Variants in MYO3A observed in about 807,000 individuals in gnomAD.
MYO3A encodes the protein myosin-IIIa.
MYO3A carries 180 observed loss-of-function variants against 192.7 expected under a neutral mutation model. The ratio of observed to expected loss-of-function variants is 0.93; its 90% CI spans 0.83 to 1.06. The LOEUF (loss-of-function observed/expected upper bound fraction) is 1.06. Ranked by LOEUF, MYO3A falls within the 50% of genes least tolerant of loss-of-function variation. MYO3A has a pLI of 0.00. For synonymous variants in MYO3A, 628 were observed against 645.3 expected (o/e 0.97, Z 0.41); for missense variants, 1,896 against 1,905.0 (o/e 1.00, Z 0.09).
intron 25 of MYO3A, 29 bp downstream of exon 25, chr10:26,154,852 C>T (rs1425941374): frequency 1.9e-6 from 3 of 1,565,830 alleles, no homozygotes; most frequent in Non-Finnish European, 2.6e-6. Flanking sequence ...ATGTATTGTG[C>T]TTAGGGGTGC....
At chr10:25,974,714 C>T (rs1402967352) in intron 4 of MYO3A, among the ~76,000 whole-genome samples, 1 of 152,158 alleles carries the variant, frequency 6.6e-6, no homozygotes, top group African/African-American at 2.4e-5. Context: ...ACTGTATGCC[C>T]TTATGACAAT....
chr10:26,106,933 TTTTC>T (rs1218991772), intron 17 of MYO3A, among the ~76,000 whole-genome samples: 2 of 151,718 alleles, frequency 1.3e-5, no homozygotes. Flanking sequence ...GTATCTATTT[TTTTC>T]TTTTATATCA....
intron 10 of MYO3A, among the ~76,000 whole-genome samples, chr10:26,040,500 A>G (rs1395856714): frequency 2.0e-5 from 3 of 152,154 alleles, no homozygotes; most frequent in Non-Finnish European, 4.4e-5. Flanking sequence ...TGAAAGTACC[A>G]CTACCAAAAC....
intron 4 of MYO3A, among the ~76,000 whole-genome samples, chr10:25,957,683 T>C (rs899347188): frequency 4.6e-5 from 7 of 152,224 alleles, no homozygotes; most frequent in African/African-American, 1.7e-4. Context: ...TTTTCCACAA[T>C]GGCTAAACTA....
chr10:25,953,228 CA>C (rs1158496341), intron 3 of MYO3A, among the ~76,000 whole-genome samples: 1 of 152,040 alleles, frequency 6.6e-6, no homozygotes, highest in Non-Finnish European at 1.5e-5. Context: ...TGAGATGCTG[CA>C]AAAGGTCTCT....
chr10:26,166,292 C>T, intron 27 of MYO3A, 114 bp downstream of exon 27: 1 of 934,460 alleles, frequency 1.1e-6, no homozygotes, highest in East Asian at 2.6e-5. Flanking sequence ...GAATCTATAA[C>T]TTACAATAGA....
rs571464458 is a variant in MYO3A at position 26,173,995 on chromosome 10, A to G, written c.3731A>G (p.Tyr1244Cys). Residue 1244 changes from tyrosine (Y) to cysteine (C), a missense_variant, in exon 30 of 35, where the codon TAC becomes TGC. Tyr to Cys is a radical substitution (Grantham distance 194). Coordinates refer to ENST00000642920, the MANE Select transcript of MYO3A (RefSeq NM_017433.5). ...EAMIQSYYQR[Y>C]TEERNCEESK... ...ATGATCCAGAGTTACTATCAGAGGT[A>G]CACAGAGGAGAGGAATTGTGAAGAG... 29 of 1,611,138 alleles carry G rather than the reference A, an allele frequency of 1.8e-5. No homozygotes were observed. In the South Asian group the frequency reaches 3.1e-4, roughly 17 times the overall value.
intron 10 of MYO3A, among the ~76,000 whole-genome samples, chr10:26,034,813 A>G (rs965895907): frequency 1.3e-5 from 2 of 151,738 alleles, no homozygotes; most frequent in Non-Finnish European, 2.9e-5. Context: ...AAGACGGGCT[A>G]GTGTCTGGAT....
chr10:26,169,005 A>G, intron 28 of MYO3A, 131 bp downstream of exon 28: 1 of 838,570 alleles, frequency 1.2e-6, no homozygotes, highest in Non-Finnish European at 1.8e-6. Flanking sequence ...CTTTTGCTAT[A>G]TTAAATCTAA....
chr10:26,164,934 C>A (rs539935488), intron 26 of MYO3A, among the ~76,000 whole-genome samples: 2 of 152,262 alleles, frequency 1.3e-5, no homozygotes, highest in East Asian at 3.9e-4. Flanking sequence ...GCGAGTTAGT[C>A]CTGAAGTGAG....
chr10:26,171,146 G>A (rs74672516), intron 29 of MYO3A, among the ~76,000 whole-genome samples: 11,223 of 152,178 alleles, frequency 0.074, 461 homozygotes, highest in Non-Finnish European at 0.089. Context: ...GGGTACACTG[G>A]GGGCAAGGAG....
intron 14 of MYO3A, among the ~76,000 whole-genome samples, chr10:26,086,493 T>G (rs1250508893): frequency 2.0e-5 from 3 of 152,174 alleles, no homozygotes; most frequent in Non-Finnish European, 2.9e-5. Context: ...GTAGGAAGAA[T>G]TCCATGTTGC....
At position 26,153,925 on chromosome 10, in the gene MYO3A, CA is replaced by C; in HGVS notation, c.2714del (p.Lys905ArgfsTer17). On this transcript the variant is annotated frameshift_variant, in exon 24 of 35. Coordinates refer to ENST00000642920, the MANE Select transcript of MYO3A (RefSeq NM_017433.5). LOFTEE classifies it high-confidence loss of function. The stretch of plus-strand genomic sequence containing the variant: ...ACTTCAGAAAAATTAATCAACCTGG[CA>C]AAGGTAAGAAAATGCTTTTTTTCTT... ...MRTSEKLINL[A>X]KGDTGEATRH... 1 of 1,585,274 alleles carries C rather than the reference CA, an allele frequency of 6.3e-7. No individual in the cohort carries two copies. Among genetic ancestry groups the C allele is most frequent in the Non-Finnish European group, 8.7e-7 (1 of 1,154,220 alleles).
intron 4 of MYO3A, among the ~76,000 whole-genome samples, chr10:25,959,681 T>C (rs1224398612): frequency 6.6e-6 from 1 of 152,022 alleles, no homozygotes; most frequent in Non-Finnish European, 1.5e-5. Flanking sequence ...TCTTTCTCTG[T>C]TTGGCTCATC....
chr10:26,120,702 CGCT>C lies in MYO3A; in HGVS notation c.1806_1808del (p.Ala603del). 6.2e-7 allele frequency: 1 copy of C among 1,614,010 alleles called. No homozygotes were observed. Reference sequence around the variant, plus strand: ...AACTTGGTAGTATATACAGCATACTCGCTGCAATCTTGAATGTTGGCAACATTG... The same window carrying C: ...AACTTGGTAGTATATACAGCATACTCGCAATCTTGAATGTTGGCAACATTG... On this transcript the variant is annotated inframe_deletion, in exon 18 of 35. Transcript: ENST00000642920.
At chr10:26,193,122 T>C in intron 31 of MYO3A, 83 bp from the exon 32 acceptor site, 1 of 1,131,262 alleles carries the variant, frequency 8.8e-7, no homozygotes, top group South Asian at 1.3e-5. Flanking sequence ...ATGTGTATAA[T>C]TTCTTATTTA....
At chr10:26,178,975 A>G (rs12572865) in intron 31 of MYO3A, among the ~76,000 whole-genome samples, 70,821 of 148,192 alleles carry the variant, frequency 0.48, 16,785 homozygotes, top group Middle Eastern at 0.53. Flanking sequence ...CTAATTTTTT[A>G]TATTTTTAGT....
chr10:26,011,239 G>A (rs150977532), intron 6 of MYO3A, among the ~76,000 whole-genome samples: 1,719 of 152,100 alleles, frequency 0.011, 37 homozygotes, highest in African/African-American at 0.037. Context: ...GACCAGCCTG[G>A]GCAACATGAT....
At chr10:25,951,952 C>G (rs1310346292) in intron 2 of MYO3A, 142 bp from the exon 3 acceptor site, 2 of 622,832 alleles carry the variant, frequency 3.2e-6, no homozygotes, top group Non-Finnish European at 2.8e-6. Flanking sequence ...ATTCAAATTT[C>G]CTGTGACTCT....
Sources: gnomAD v4.1 joint callset for allele counts (sites outside exome capture counted in the v4.1 genomes callset) on GRCh38, gnomAD v4.1.1 for gene constraint, MANE v1.5 for transcripts, NCBI Gene and HGNC (gene_info 2026-07-23, HGNC 2026-07-21) for gene names.